The following INPP4A variants were observed in gnomAD, a reference collection of about 807,000 sequenced individuals.
The protein encoded by INPP4A is inositol polyphosphate-4-phosphatase, type I, 107kD.
INPP4A carries 33 observed loss-of-function variants against 119.8 expected under a neutral mutation model. The observed-to-expected ratio is 0.28, with a 90% confidence interval of 0.21 to 0.37. The LOEUF is 0.37. Ranked by LOEUF, INPP4A falls within the 10% of genes least tolerant of loss-of-function variation. INPP4A has a pLI of 1.00. For synonymous variants in INPP4A, 496 were observed against 500.7 expected, an observed-to-expected ratio of 0.99 and a Z score of 0.12; for missense variants, 956 against 1,289.9, an observed-to-expected ratio of 0.74 and a Z score of 3.97.
rs1010900550 is a variant in INPP4A, at chr2:98,513,792, C to T, written c.-165-5172C>T. Among the ~76,000 whole-genome samples the T allele has an allele frequency of 2.6e-5, 4 of 152,226 alleles. No homozygotes were observed. In the East Asian group the frequency reaches 7.7e-4, roughly 29 times the overall value. On this transcript the variant is annotated intron_variant, in intron 1 of 24. Transcript: ENST00000409851. Reference sequence around the variant, plus strand: ...TGTCCCTGCTGCCCCTCCCTGTCACCGCAGCCATTCTGGCTCTGGCCCATT... The same window carrying T: ...TGTCCCTGCTGCCCCTCCCTGTCACTGCAGCCATTCTGGCTCTGGCCCATT...
chr2:98,516,202 G>A (rs1428147239), intron 1 of INPP4A, among the ~76,000 whole-genome samples: 1 of 152,150 alleles, frequency 6.6e-6, no homozygotes, highest in Admixed American at 6.5e-5. Flanking sequence ...AAGAGAAATC[G>A]AGTTCAGCTG....
At chr2:98,484,605 A>G (rs770722132) in intron 1 of INPP4A, among the ~76,000 whole-genome samples, 2 of 152,130 alleles carry the variant, frequency 1.3e-5, no homozygotes, top group Non-Finnish European at 2.9e-5. Context: ...CCAGTTATTA[A>G]AATTTTGCAT....
At chr2:98,576,346 T>C (rs1698411779) in intron 23 of INPP4A, among the ~76,000 whole-genome samples, 1 of 152,154 alleles carries the variant, frequency 6.6e-6, no homozygotes, top group Non-Finnish European at 1.5e-5. Flanking sequence ...CCCCCTACTC[T>C]GTGAGCCATT....
chr2:98,511,890 G>A (rs921470704), intron 1 of INPP4A, among the ~76,000 whole-genome samples: 3 of 152,170 alleles, frequency 2.0e-5, no homozygotes, highest in African/African-American at 7.2e-5. Flanking sequence ...CAACCTTTGG[G>A]CCTAATTTTT....
chr2:98,527,019 G>T (rs1299530344), intron 4 of INPP4A, among the ~76,000 whole-genome samples: 2 of 152,078 alleles, frequency 1.3e-5, no homozygotes, highest in African/African-American at 4.8e-5. Context: ...TCCAATACTG[G>T]GGATTACCTT....
At chr2:98,563,320 G>A in intron 17 of INPP4A, 145 bp from the exon 18 acceptor site, 2 of 740,926 alleles carry the variant, frequency 2.7e-6, no homozygotes, top group Admixed American at 2.7e-5. Flanking sequence ...AGACTGGGTT[G>A]GTTCCAGACA....
chr2:98,577,003 T>C lies in INPP4A; in HGVS notation c.2646T>C (p.Leu882=), dbSNP rs1698533558. The C allele has an allele frequency of 6.2e-7, 1 of 1,612,900 alleles. No homozygotes were observed. The highest frequency in any genetic ancestry group is 2.2e-5 in the East Asian group (1 of 44,812). The change falls in exon 24 of 25, where the codon CTT becomes CTC. Residue 882 remains leucine, a synonymous_variant. Coordinates refer to ENST00000409851, the MANE Select transcript of INPP4A (RefSeq NM_001134225.2). ...TCTGTTGGCAGATCTGCCGCCGCCTTAATGGGGTCCGGTTCACCAGCTGCA... is the reference window on the plus strand; with the variant it reads ...TCTGTTGGCAGATCTGCCGCCGCCTCAATGGGGTCCGGTTCACCAGCTGCA... ...LWQAAEICRR[L]NGVRFTSCKS... is the part of the protein sequence containing the mutation.
intron 16 of INPP4A, among the ~76,000 whole-genome samples, chr2:98,557,262 T>A (rs977519295): frequency 2.0e-5 from 3 of 152,236 alleles, no homozygotes; most frequent in Admixed American, 2.0e-4. Flanking sequence ...AAAAATCAGC[T>A]GTTGTAATAA....
Position 98,566,174 on chromosome 2 carries a change from G to T in INPP4A, c.2420+5G>T. 1 of 1,580,824 alleles carries T rather than the reference G, an allele frequency of 6.3e-7. No individual in the cohort carries two copies. The stretch of plus-strand genomic sequence containing the variant: ...GCAGCAGACACTGGCCGAGAGGTGC[G>T]TGCCGGCTCCTCGGGGCTGCGGGGG... On this transcript the variant is annotated splice_donor_5th_base_variant and intron_variant, in intron 21 of 24. Transcript: ENST00000409851. The surrounding 1 kb of genome is among the most constrained non-coding windows in gnomAD (Gnocchi z 4.2).
chr2:98,455,393 A>G (rs548866642), intron 1 of INPP4A, among the ~76,000 whole-genome samples: 3 of 152,104 alleles, frequency 2.0e-5, no homozygotes, highest in African/African-American at 4.8e-5. Context: ...TGTCATTCCT[A>G]TGGTTTGGAA....
At chr2:98,572,317 TTCTCTGGGTCCCGCAGAGA>T (rs1254004156) in intron 22 of INPP4A, among the ~76,000 whole-genome samples, 2 of 152,230 alleles carry the variant, frequency 1.3e-5, no homozygotes, top group African/African-American at 2.4e-5. Context: ...GAGCAGGGGC[TTCTCTGGGTCCCGCAGAGA>T]TGTGTTCTCC....
At chr2:98,454,176 AAGAG>A (rs371667206) in intron 1 of INPP4A, among the ~76,000 whole-genome samples, 2 of 150,432 alleles carry the variant, frequency 1.3e-5, no homozygotes, top group African/African-American at 2.4e-5. Context: ...ATTTCTACAT[AAGAG>A]AGAGAGAGAG....
intron 10 of INPP4A, among the ~76,000 whole-genome samples, chr2:98,542,095 G>A (rs1000482064): frequency 2.6e-5 from 4 of 152,228 alleles, no homozygotes; most frequent in Non-Finnish European, 5.9e-5. Flanking sequence ...AGAAGAAAGA[G>A]GGTGATCGGG....
At position 98,559,464 on chromosome 2, in the gene INPP4A, T is replaced by C; in HGVS notation, c.1824T>C (p.His608=). The change falls in exon 17 of 25, where the codon CAT becomes CAC. Residue 608 remains histidine, a splice_region_variant and synonymous_variant. Coordinates refer to ENST00000409851, the MANE Select transcript of INPP4A (RefSeq NM_001134225.2). ...STACHPHLTT[H]CSPPPEESSP... is the part of the protein sequence containing the mutation. Reference sequence around the variant, plus strand: ...ATGTCGCCCTCCATTTCTGTGCAGATTGCAGTCCCCCTCCTGAAGAGTCCA... The same window carrying C: ...ATGTCGCCCTCCATTTCTGTGCAGACTGCAGTCCCCCTCCTGAAGAGTCCA... 1 of 1,614,038 alleles carries C rather than the reference T, an allele frequency of 6.2e-7. No individual in the cohort carries two copies. Among genetic ancestry groups the C allele is most frequent in the Admixed American group, 1.7e-5 (1 of 60,030 alleles).
chr2:98,557,798 A>G (rs2106261774), intron 16 of INPP4A, among the ~76,000 whole-genome samples: 1 of 152,324 alleles, frequency 6.6e-6, no homozygotes. Context: ...AGCCAAAACC[A>G]CAGAGGCTCC....
intron 1 of INPP4A, among the ~76,000 whole-genome samples, chr2:98,516,860 CTG>C (rs1686225476): frequency 6.6e-6 from 1 of 152,184 alleles, no homozygotes; most frequent in South Asian, 2.1e-4. Flanking sequence ...GCTGTCCCCT[CTG>C]TACAGTACCT....
chr2:98,564,010 G>A lies in INPP4A; in HGVS notation c.2028+373G>A, dbSNP rs375914998. Among the ~76,000 whole-genome samples the A allele has an allele frequency of 5.4e-4, 80 of 149,204 alleles. 3 individuals are homozygous for A. In the South Asian group the frequency reaches 0.016, roughly 31 times the overall value. On this transcript the variant is annotated intron_variant, in intron 18 of 24. Coordinates refer to ENST00000409851, the MANE Select transcript of INPP4A (RefSeq NM_001134225.2). The stretch of plus-strand genomic sequence containing the variant: ...GGTATTTGCTGTCAGTGCAAACATT[G>A]CTCGTATAACAGTAGGTGCCTTAGC...
intron 13 of INPP4A, among the ~76,000 whole-genome samples, chr2:98,547,730 C>T (rs1692728789): frequency 6.6e-6 from 1 of 151,998 alleles, no homozygotes; most frequent in Non-Finnish European, 1.5e-5. Context: ...GCCGGGTTCT[C>T]ACAGGATGGA....
rs1425366412 is a variant in INPP4A, at chr2:98,590,946, TATG to T, written c.*3341_*3343del. ...GAACACTGAACATCTTTTATACCTTTATGATATTTCTATGTTTGTGACTTCATT... is the reference window on the plus strand; with the variant it reads ...GAACACTGAACATCTTTTATACCTTTATATTTCTATGTTTGTGACTTCATT... On this transcript the variant is annotated 3_prime_UTR_variant, in exon 25 of 25. Transcript: ENST00000409851. 8.6e-6 allele frequency: 2 copies of T among 231,418 alleles called. No individual in the cohort carries two copies. The highest frequency in any genetic ancestry group is 1.1e-4 in the Admixed American group (2 of 17,730). The allele number at this position is 231,418 out of a possible 1,614,324, so 14.3% of individuals were successfully genotyped here. A position where few individuals can be genotyped will look rare whatever the true frequency, so the allele number is the denominator to read the frequency against.
Sources: allele counts gnomAD v4.1 joint callset (sites outside exome capture counted in the v4.1 genomes callset), GRCh38; gene constraint gnomAD v4.1.1; non-coding constraint Gnocchi (gnomAD v3.1); transcripts MANE v1.5; gene names NCBI Gene and HGNC (gene_info 2026-07-23, HGNC 2026-07-21).